SMAD2: variants seen among roughly 807,000 people sequenced by gnomAD.
SMAD2 encodes the protein SMAD family member 2.
A neutral mutation model predicts 64.4 loss-of-function variants in SMAD2; 8 were observed. The ratio of observed to expected loss-of-function variants is 0.12; its 90% CI spans 0.07 to 0.22. The LOEUF (loss-of-function observed/expected upper bound fraction) is 0.22. Among genes scored for constraint, SMAD2 ranks in the 10% least tolerant of loss-of-function variants. The pLI is 1.00. For missense variants in SMAD2, 289 were observed against 561.2 expected (o/e 0.51, Z 4.90); for synonymous variants, 203 against 195.8 (o/e 1.04, Z -0.31).
At position 47,827,697 on chromosome 18, in the gene SMAD2, G is replaced by A. The variant is rs182941577; in HGVS notation, c.*14130C>T. The A allele has an allele frequency of 6.0e-3, 962 of 159,438 alleles. 10 individuals carry two copies. The highest frequency in any genetic ancestry group is 0.021 in the African/African-American group (879 of 41,652). The allele number at this position is 159,438 out of a possible 1,614,324, so 9.9% of individuals were successfully genotyped here. A position where few individuals can be genotyped will look rare whatever the true frequency, so the allele number is the denominator to read the frequency against. ...GGGTTTCGCCGTGTTGGCCAGGCTG[G>A]TCTCCAGCTCCTGACCGCGCATGAT... On this transcript the variant is annotated 3_prime_UTR_variant, in exon 11 of 11. Transcript: ENST00000262160.
At chr18:47,890,136 T>C (rs1303941763) in intron 2 of SMAD2, among the ~76,000 whole-genome samples, 1 of 152,174 alleles carries the variant, frequency 6.6e-6, no homozygotes, top group African/African-American at 2.4e-5. Flanking sequence ...ACTGTAAATG[T>C]AGGCACCAGA....
chr18:47,899,622 G>A (rs1412671107), intron 1 of SMAD2, among the ~76,000 whole-genome samples: 1 of 152,108 alleles, frequency 6.6e-6, no homozygotes, highest in Non-Finnish European at 1.5e-5. Flanking sequence ...ACAATCTGAA[G>A]CTAATCTGGA....
chr18:47,918,447 A>G (rs1347734637), intron 1 of SMAD2, among the ~76,000 whole-genome samples: 1 of 152,188 alleles, frequency 6.6e-6, no homozygotes, highest in Non-Finnish European at 1.5e-5. Context: ...GTTTACCAAC[A>G]AACAGCCTGC....
At chr18:47,860,097 G>C (rs765751813) in intron 6 of SMAD2, among the ~76,000 whole-genome samples, 5 of 152,040 alleles carry the variant, frequency 3.3e-5, no homozygotes, top group Non-Finnish European at 7.4e-5. Context: ...CCAGGCCACT[G>C]CACTCCAGCC....
At chr18:47,886,570 C>CATCCATCT (rs1555655792) in intron 2 of SMAD2, among the ~76,000 whole-genome samples, 17 of 146,704 alleles carry the variant, frequency 1.2e-4, no homozygotes, top group African/African-American at 1.6e-4. Context: ...TATATCTATC[C>CATCCATCT]ATCTATCTAT....
intron 2 of SMAD2, among the ~76,000 whole-genome samples, chr18:47,885,130 TATACACAC>T (rs1350173723): frequency 1.7e-3 from 109 of 64,272 alleles, no homozygotes; most frequent in Admixed American, 8.5e-3. Context: ...GATTTAGTCA[TATACACAC>T]ACACACACAC....
chr18:47,927,639 C>A (rs1389048986), intron 1 of SMAD2, among the ~76,000 whole-genome samples: 1 of 152,216 alleles, frequency 6.6e-6, no homozygotes, highest in East Asian at 1.9e-4. Flanking sequence ...GTGACTCACG[C>A]CTGTAATCCC....
rs1303510121 is a variant in SMAD2 at position 47,830,617 on chromosome 18, A to G, written c.*11210T>C. The G allele has an allele frequency of 2.0e-5, 3 of 151,574 alleles. No homozygotes were observed. The East Asian group carries it at 5.8e-4, about 29-fold the overall frequency. The allele number at this position is 151,574 out of a possible 1,614,324, so 9.4% of individuals were successfully genotyped here. A position where few individuals can be genotyped will look rare whatever the true frequency, so the allele number is the denominator to read the frequency against. On this transcript the variant is annotated 3_prime_UTR_variant, in exon 11 of 11. Transcript: ENST00000262160. ...AAATTCGTTTTTCTCACAGCAGCAC[A>G]TTTCTAAATGGCAAACCATTTAGAA...
chr18:47,907,839 T>C (rs1293767769), intron 1 of SMAD2, among the ~76,000 whole-genome samples: 1 of 152,110 alleles, frequency 6.6e-6, no homozygotes, highest in Non-Finnish European at 1.5e-5. Context: ...TCCTAGCTAC[T>C]TGAAAGGATC....
At chr18:47,872,225 GGTTT>G (rs1389289878) in intron 2 of SMAD2, among the ~76,000 whole-genome samples, 1 of 151,916 alleles carries the variant, frequency 6.6e-6, no homozygotes, top group Non-Finnish European at 1.5e-5. Flanking sequence ...AAAATTGGAA[GGTTT>G]ATTTTAAAAC....
chr18:47,825,199 A>G lies in SMAD2; in HGVS notation c.*16628T>C, dbSNP rs1168716194. The G allele has an allele frequency of 6.6e-6, 1 of 152,218 alleles. No individual in the cohort carries two copies. Among genetic ancestry groups the G allele is most frequent in the Admixed American group, 6.5e-5 (1 of 15,286 alleles). 9.4% of individuals were successfully genotyped at this position (152,218 alleles called of 1,614,324 possible). ...CATATATTCAAGGAAAAATATATTA[A>G]GTTACCTGAACATTTGGGTAGAAAT... is the stretch of plus-strand genomic sequence containing the variant. On this transcript the variant is annotated 3_prime_UTR_variant, in exon 11 of 11. Transcript: ENST00000262160.
intron 2 of SMAD2, among the ~76,000 whole-genome samples, chr18:47,884,828 G>A (rs541644783): frequency 1.3e-5 from 2 of 152,026 alleles, no homozygotes; most frequent in Non-Finnish European, 2.9e-5. Context: ...AGAAGGACCA[G>A]GTGATGATTG....
At chr18:47,875,673 T>G (rs2032222500) in intron 2 of SMAD2, among the ~76,000 whole-genome samples, 1 of 152,164 alleles carries the variant, frequency 6.6e-6, no homozygotes. Context: ...CAACATTATT[T>G]GTGTAACACT....
chr18:47,831,957 C>G lies in SMAD2; in HGVS notation c.*9870G>C, dbSNP rs1412615229. On this transcript the variant is annotated 3_prime_UTR_variant, in exon 11 of 11. Coordinates refer to ENST00000262160, the MANE Select transcript of SMAD2 (RefSeq NM_005901.6). ...AAGGGTGAATCTGTCAAAGGGTAAG[C>G]TGGATAACTGTATGTTGCAAACATG... 1 of 152,220 alleles carries G rather than the reference C, an allele frequency of 6.6e-6. No homozygotes were observed. Among genetic ancestry groups the G allele is most frequent in the East Asian group, 1.9e-4 (1 of 5,188 alleles). 9.4% of individuals were successfully genotyped at this position (152,220 alleles called of 1,614,324 possible).
intron 6 of SMAD2, among the ~76,000 whole-genome samples, chr18:47,852,253 C>G (rs557725047): frequency 1.1e-4 from 16 of 152,118 alleles, no homozygotes; most frequent in Non-Finnish European, 1.9e-4. Flanking sequence ...ACTCTTAATC[C>G]TAATTTTGAT....
chr18:47,851,423 T>C, intron 6 of SMAD2, 96 bp from the exon 7 acceptor site: 6 of 724,966 alleles, frequency 8.3e-6, no homozygotes, highest in Non-Finnish European at 1.5e-5. Context: ...TTATCAACAA[T>C]AATACAAAGA....
At chr18:47,867,552 C>T (rs2031651405) in intron 5 of SMAD2, among the ~76,000 whole-genome samples, 1 of 151,420 alleles carries the variant, frequency 6.6e-6, no homozygotes, top group Non-Finnish European at 1.5e-5. Context: ...CGAGACACTA[C>T]AGCTTAATCC....
At chr18:47,874,754 C>G (rs1320087777) in intron 2 of SMAD2, among the ~76,000 whole-genome samples, 1 of 152,098 alleles carries the variant, frequency 6.6e-6, no homozygotes, top group African/African-American at 2.4e-5. Flanking sequence ...ACACATACAT[C>G]ATGGACAGTA....
chr18:47,918,104 T>C (rs550770093), intron 1 of SMAD2, among the ~76,000 whole-genome samples: 1 of 152,206 alleles, frequency 6.6e-6, no homozygotes, highest in Non-Finnish European at 1.5e-5. Flanking sequence ...TAGGTAGCAC[T>C]TGTTAAGAGC....
Sources: gnomAD v4.1 joint callset for allele counts (sites outside exome capture counted in the v4.1 genomes callset) on GRCh38, gnomAD v4.1.1 for gene constraint, MANE v1.5 for transcripts, NCBI Gene and HGNC (gene_info 2026-07-23, HGNC 2026-07-21) for gene names.